Variants in EPHA10 observed in about 807,000 individuals in gnomAD.
EPHA10 encodes ephrin type-A receptor 10.
A neutral mutation model predicts 109.7 loss-of-function variants in EPHA10; 120 were observed. The ratio of observed to expected loss-of-function variants is 1.09; its 90% CI spans 0.94 to 1.27. EPHA10 has a LOEUF of 1.27. Among genes scored for constraint, EPHA10 ranks in the 50% most tolerant of loss-of-function variants. The pLI, the probability that EPHA10 is intolerant of heterozygous loss-of-function variation, is 0.00. For synonymous variants in EPHA10, 640 were observed against 618.9 expected (o/e 1.03, Z -0.51); for missense variants, 1,396 against 1,411.1 (o/e 0.99, Z 0.17).
intron 5 of EPHA10, among the ~76,000 whole-genome samples, chr1:37,744,456 G>A (rs1646201180): frequency 6.6e-6 from 1 of 151,862 alleles, no homozygotes; most frequent in Non-Finnish European, 1.5e-5. Flanking sequence ...GGAGGCACAG[G>A]TTGCAGTGAG....
At chr1:37,728,923 G>A (rs1386958465) in intron 7 of EPHA10, among the ~76,000 whole-genome samples, 1 of 152,144 alleles carries the variant, frequency 6.6e-6, no homozygotes, top group Non-Finnish European at 1.5e-5. Context: ...GCCAGCAGTG[G>A]GCAGTCTCTG....
At chr1:37,762,137 G>A (rs1646439337) in intron 2 of EPHA10, 54 bp from the exon 3 acceptor site, 1 of 1,501,684 alleles carries the variant, frequency 6.7e-7, no homozygotes, top group Non-Finnish European at 9.0e-7. Flanking sequence ...CTTCCAGGAG[G>A]TGGAGCGCTA....
At chr1:37,735,209 G>C (rs1646048784) in intron 6 of EPHA10, 48 bp downstream of exon 6, 1 of 1,554,028 alleles carries the variant, frequency 6.4e-7, no homozygotes, top group Non-Finnish European at 8.7e-7. Flanking sequence ...GAAGCCCTGC[G>C]GGACAGGTGC....
rs112154315 is a variant in EPHA10 at position 37,729,601 on chromosome 1, C to T, written c.1663+1810G>A. 9.2e-5 allele frequency among the ~76,000 whole-genome samples: 14 copies of T among 151,828 alleles called. 1 individual carries two copies. Among genetic ancestry groups the T allele is most frequent in the South Asian group, 6.3e-4 (3 of 4,798 alleles). On this transcript the variant is annotated intron_variant, in intron 7 of 16. Coordinates refer to ENST00000373048, the MANE Select transcript of EPHA10 (RefSeq NM_001099439.2). ...AAGAAAAAGATCCTGCTTTGGAAGG[C>T]GGGGGGCAGTGGCTCAAACCTGTGA...
rs35862419 is a variant in EPHA10 at position 37,725,530 on chromosome 1, A to AG, written c.1772+1571dup. On this transcript the variant is annotated intron_variant, in intron 8 of 16. Transcript: ENST00000373048. ...TCAAAAAAAAAAAAAAAAAAAAAAA[A>AG]GAAGTAACGAGGTGAAGCATTCTAG... 3.1e-3 allele frequency among the ~76,000 whole-genome samples: 444 copies of AG among 141,478 alleles called. 9 individuals are homozygous for AG. Among genetic ancestry groups the AG allele is most frequent in the South Asian group, 6.3e-3 (27 of 4,306 alleles). The allele number at this position is 141,478 out of a possible 152,430, so 92.8% of individuals were successfully genotyped here. A position where few individuals can be genotyped will look rare whatever the true frequency, so the allele number is the denominator to read the frequency against.
At position 37,720,901 on chromosome 1, in the gene EPHA10, A is replaced by G. The variant is rs1004026920; in HGVS notation, c.2147-57T>C. ...GTTGTCCACTCCACTCCGCACGCAC[A>G]CAAGTTTCCCCCCCAGGGTCCCAGA... On this transcript the variant is annotated intron_variant, in intron 11 of 16. Transcript: ENST00000373048. 4 of 1,577,122 alleles carry G rather than the reference A, an allele frequency of 2.5e-6. No individual in the cohort carries two copies. In the African/African-American group the frequency reaches 4.0e-5, roughly 16 times the overall value.
intron 6 of EPHA10, 110 bp downstream of exon 6, chr1:37,735,146 GT>G: frequency 1.3e-5 from 19 of 1,416,456 alleles, no homozygotes; most frequent in Non-Finnish European, 1.6e-5. Flanking sequence ...GGGTGGTTAT[GT>G]TTACAAAGGG....
In EPHA10 at chr1:37,741,377, T is replaced by C. The variant is rs1316746481; in HGVS notation, c.1358-5987A>G. Among the ~76,000 whole-genome samples, 5 of 152,276 alleles carry C rather than the reference T, an allele frequency of 3.3e-5. No individual in the cohort carries two copies. The East Asian group carries it at 7.7e-4, about 23-fold the overall frequency. On this transcript the variant is annotated intron_variant, in intron 5 of 16. Coordinates refer to ENST00000373048, the MANE Select transcript of EPHA10 (RefSeq NM_001099439.2). The stretch of plus-strand genomic sequence containing the variant: ...GGGATTGAGGAAAGTACCGATCAGA[T>C]AGTAATAAAGCAAGAAAGTGGAAAC...
chr1:37,764,192 C>G lies in EPHA10; in HGVS notation c.106+769G>C, dbSNP rs1646456536. Among the ~76,000 whole-genome samples the G allele has an allele frequency of 6.6e-6, 1 of 152,258 alleles. No homozygotes were observed. Among genetic ancestry groups the G allele is most frequent in the Non-Finnish European group, 1.5e-5 (1 of 68,018 alleles). On this transcript the variant is annotated intron_variant, in intron 1 of 16. Coordinates refer to ENST00000373048, the MANE Select transcript of EPHA10 (RefSeq NM_001099439.2). The surrounding 1 kb of genome is among the most constrained non-coding windows in gnomAD (Gnocchi z 5.8). Reference sequence around the variant, plus strand: ...CGTCAGCGACTGTGGGCAGGACCGCCGACGGCTTTCCGAGATCCGCGCAAC... The same window carrying G: ...CGTCAGCGACTGTGGGCAGGACCGCGGACGGCTTTCCGAGATCCGCGCAAC...
intron 5 of EPHA10, among the ~76,000 whole-genome samples, chr1:37,735,631 T>G (rs1435800045): frequency 6.6e-6 from 1 of 151,854 alleles, no homozygotes; most frequent in Non-Finnish European, 1.5e-5. Context: ...CATTGTCCCA[T>G]AGAGGGAAAA....
At chr1:37,725,506 C>CA (rs536628850) in intron 8 of EPHA10, among the ~76,000 whole-genome samples, 5,504 of 55,790 alleles carry the variant, frequency 0.099, 566 homozygotes, top group East Asian at 0.3. Context: ...GGCTCCATCT[C>CA]AAAAAAAAAA....
chr1:37,719,387 G>A (rs1369158635), intron 15 of EPHA10, 27 bp downstream of exon 15: 4 of 1,602,160 alleles, frequency 2.5e-6, no homozygotes, highest in Admixed American at 1.7e-5. Context: ...ACAGGTGAGA[G>A]GCTGGCTGTC....
rs1023121756 is a variant in EPHA10, at chr1:37,720,186, G to A, written c.2413-128C>T. ...AACCCCCAACTCCAGCTTCACATCT[G>A]GGAAAGACAGAAAAGCTGACCTCAA... On this transcript the variant is annotated intron_variant, in intron 13 of 16. Coordinates refer to ENST00000373048, the MANE Select transcript of EPHA10 (RefSeq NM_001099439.2). 2.1e-6 allele frequency: 3 copies of A among 1,425,488 alleles called. No individual in the cohort carries two copies. In the African/African-American group the frequency reaches 4.3e-5, roughly 20 times the overall value. 88.3% of individuals were successfully genotyped at this position (1,425,488 alleles called of 1,614,324 possible).
intron 8 of EPHA10, among the ~76,000 whole-genome samples, chr1:37,723,681 C>G (rs889461040): frequency 3.3e-5 from 5 of 152,236 alleles, no homozygotes; most frequent in Admixed American, 3.3e-4. Context: ...CAGCTGCCCC[C>G]GCATGCGGTT....
At chr1:37,751,201 CAAA>C (rs1320111085) in intron 5 of EPHA10, among the ~76,000 whole-genome samples, 2 of 46,124 alleles carry the variant, frequency 4.3e-5, no homozygotes, top group Admixed American at 3.3e-4. Context: ...AGACTCCTCT[CAAA>C]AAAAAAAAAA....
chr1:37,739,171 A>C (rs544145791), intron 5 of EPHA10, among the ~76,000 whole-genome samples: 1 of 151,580 alleles, frequency 6.6e-6, no homozygotes, highest in African/African-American at 2.4e-5. Flanking sequence ...AGTTAAAAAA[A>C]AGAAAAGAAA....
intron 14 of EPHA10, 149 bp from the exon 15 acceptor site, chr1:37,719,756 G>T: frequency 1.4e-6 from 2 of 1,436,640 alleles, no homozygotes; most frequent in Non-Finnish European, 1.9e-6. Flanking sequence ...ACCCAAGGAA[G>T]CCTGGGGCAG....
chr1:37,764,909 CCCCT>C lies in EPHA10; in HGVS notation c.106+48_106+51del. The C allele has an allele frequency of 6.6e-7, 1 of 1,515,116 alleles. No individual in the cohort carries two copies. Among genetic ancestry groups the C allele is most frequent in the South Asian group, 1.2e-5 (1 of 83,976 alleles). 93.9% of individuals were successfully genotyped at this position (1,515,116 alleles called of 1,614,324 possible). ...TTCCCCCAGAACCCCCATCGCCAGC[CCCCT>C]ATCTTTTGGTATGCCACGCTCCGAG... On this transcript the variant is annotated intron_variant, in intron 1 of 16. Coordinates refer to ENST00000373048, the MANE Select transcript of EPHA10 (RefSeq NM_001099439.2). This position sits in a 1 kb window ranked among gnomAD's most constrained non-coding sequence, Gnocchi z 5.8.
At chr1:37,734,628 A>G in intron 6 of EPHA10, 1 of 456,186 alleles carries the variant, frequency 2.2e-6, no homozygotes, top group Non-Finnish European at 4.4e-6. Flanking sequence ...CATCACAGCT[A>G]AGCTGCAACC....
Sources: gnomAD v4.1 joint callset for allele counts (sites outside exome capture counted in the v4.1 genomes callset) on GRCh38, gnomAD v4.1.1 for gene constraint, Gnocchi (gnomAD v3.1) non-coding constraint, MANE v1.5 for transcripts, NCBI Gene and HGNC (gene_info 2026-07-23, HGNC 2026-07-21) for gene names.